The following ZNF804B variants were observed in gnomAD, a reference collection of about 807,000 sequenced individuals.
The protein encoded by ZNF804B is zinc finger protein 804B, also known as zinc finger 804B.
A neutral mutation model predicts 101.4 loss-of-function variants in ZNF804B; 80 were observed. That is an observed-to-expected ratio of 0.79 (90% confidence interval 0.66 to 0.95). ZNF804B has a LOEUF of 0.95. Among genes scored for constraint, ZNF804B ranks in the 40% least tolerant of loss-of-function variants. The pLI is 0.00. For synonymous variants in ZNF804B, 622 were observed against 558.8 expected (o/e 1.11, Z -1.59); for missense variants, 1,673 against 1,561.9 (o/e 1.07, Z -1.20).
rs1200061799 is a variant in ZNF804B, at chr7:89,299,999, A to G, written c.250-27345A>G. Reference sequence around the variant, plus strand: ...CAACAATTAATTCTGCTGCTTAAGTATTCCCCAGCTAGCTCCATGTTGCCT... The same window carrying G: ...CAACAATTAATTCTGCTGCTTAAGTGTTCCCCAGCTAGCTCCATGTTGCCT... On this transcript the variant is annotated intron_variant, in intron 2 of 3. Coordinates refer to ENST00000333190, the MANE Select transcript of ZNF804B (RefSeq NM_181646.5). Among the ~76,000 whole-genome samples the G allele has an allele frequency of 2.0e-5, 3 of 151,808 alleles. No homozygotes were observed. In the East Asian group the frequency reaches 5.9e-4, roughly 30 times the overall value.
intron 1 of ZNF804B, among the ~76,000 whole-genome samples, chr7:88,993,119 A>ATT (rs1793870664): frequency 6.6e-6 from 1 of 152,018 alleles, no homozygotes. Flanking sequence ...CTTTATATAT[A>ATT]TGCTTTATCC....
intron 1 of ZNF804B, among the ~76,000 whole-genome samples, chr7:88,910,873 C>G (rs1435540718): frequency 5.9e-5 from 9 of 151,888 alleles, no homozygotes; most frequent in Admixed American, 5.3e-4. Flanking sequence ...TTCCAGCAAG[C>G]CTTTCTGCAT....
At chr7:89,050,429 G>C (rs565351627) in intron 1 of ZNF804B, among the ~76,000 whole-genome samples, 2 of 152,150 alleles carry the variant, frequency 1.3e-5, no homozygotes, top group Admixed American at 1.3e-4. Flanking sequence ...ATTCAAACGG[G>C]GAATTGGCAA....
At chr7:89,012,726 GA>G (rs1788483840) in intron 1 of ZNF804B, among the ~76,000 whole-genome samples, 1 of 152,028 alleles carries the variant, frequency 6.6e-6, no homozygotes, top group Non-Finnish European at 1.5e-5. Flanking sequence ...GTCTTATTCT[GA>G]GCCCTCTAAA....
intron 1 of ZNF804B, among the ~76,000 whole-genome samples, chr7:88,963,247 A>G (rs1174870876): frequency 1.3e-5 from 2 of 151,332 alleles, no homozygotes; most frequent in Non-Finnish European, 3.0e-5. Flanking sequence ...TGAGAGACTC[A>G]TACTTCCTGA....
intron 1 of ZNF804B, among the ~76,000 whole-genome samples, chr7:88,782,493 T>G (rs1287976448): frequency 1.3e-5 from 2 of 152,114 alleles, no homozygotes; most frequent in Non-Finnish European, 2.9e-5. Flanking sequence ...TTATATACAC[T>G]AATATCTCCA....
At chr7:89,227,608 A>G (rs1789115105) in intron 2 of ZNF804B, among the ~76,000 whole-genome samples, 1 of 152,226 alleles carries the variant, frequency 6.6e-6, no homozygotes, top group East Asian at 1.9e-4. Context: ...GGTAAATAGC[A>G]TTTTCATTAG....
At chr7:88,871,169 C>T (rs1791818085) in intron 1 of ZNF804B, among the ~76,000 whole-genome samples, 2 of 151,866 alleles carry the variant, frequency 1.3e-5, no homozygotes, top group Non-Finnish European at 2.9e-5. Flanking sequence ...GTGAAGATAC[C>T]TGAAAAATAA....
intron 2 of ZNF804B, 40 bp from the exon 3 acceptor site, chr7:89,327,300 ATTAT>A (rs775625970): frequency 1.4e-5 from 21 of 1,529,386 alleles, no homozygotes; most frequent in Non-Finnish European, 1.7e-5. Flanking sequence ...AAAAGAATAT[ATTAT>A]TTATTTATAG....
At chr7:88,833,817 C>G (rs553297605) in intron 1 of ZNF804B, among the ~76,000 whole-genome samples, 1 of 151,844 alleles carries the variant, frequency 6.6e-6, no homozygotes, top group Non-Finnish European at 1.5e-5. Context: ...GCTTTAGTGA[C>G]AAGATCAAGG....
intron 2 of ZNF804B, among the ~76,000 whole-genome samples, chr7:89,289,348 A>T (rs1344432952): frequency 6.6e-6 from 1 of 152,064 alleles, no homozygotes; most frequent in African/African-American, 2.4e-5. Context: ...TCTACGCAAA[A>T]AAAAACCAAC....
At chr7:88,818,370 T>C (rs187037630) in intron 1 of ZNF804B, among the ~76,000 whole-genome samples, 123 of 152,254 alleles carry the variant, frequency 8.1e-4, no homozygotes, top group Non-Finnish European at 1.2e-3. Context: ...TAGCCAAAAA[T>C]TTTGGAAGCA....
chr7:89,283,586 C>T (rs1790132264), intron 2 of ZNF804B, among the ~76,000 whole-genome samples: 3 of 152,100 alleles, frequency 2.0e-5, no homozygotes, highest in Admixed American at 6.6e-5. Context: ...TTTGTTGTTA[C>T]TATTTATATT....
At chr7:88,865,447 G>A (rs1020402660) in intron 1 of ZNF804B, among the ~76,000 whole-genome samples, 3 of 152,060 alleles carry the variant, frequency 2.0e-5, no homozygotes, top group African/African-American at 7.2e-5. Context: ...TGGGAGAAAT[G>A]CTTGAGCCCA....
At chr7:89,210,674 C>G (rs1788789420) in intron 1 of ZNF804B, among the ~76,000 whole-genome samples, 1 of 152,192 alleles carries the variant, frequency 6.6e-6, no homozygotes, top group African/African-American at 2.4e-5. Context: ...AGGACATGAT[C>G]TCATTCATTT....
rs142026514 is a variant in ZNF804B, at chr7:89,297,615, C to T, written c.250-29729C>T. ...TATCACTTTATTTGGGGGTAGGGTA[C>T]CTTTCCTTTTGATGTAGTTTCAGAT... On this transcript the variant is annotated intron_variant, in intron 2 of 3. Transcript: ENST00000333190. 1.7e-3 allele frequency among the ~76,000 whole-genome samples: 258 copies of T among 151,998 alleles called. 5 individuals carry two copies. Among genetic ancestry groups the T allele is most frequent in the Admixed American group, 0.016 (241 of 15,220 alleles).
At chr7:89,103,811 TCTTA>T (rs1337913610) in intron 1 of ZNF804B, among the ~76,000 whole-genome samples, 4 of 152,046 alleles carry the variant, frequency 2.6e-5, no homozygotes, top group African/African-American at 9.7e-5. Context: ...TTGTTCTAAT[TCTTA>T]GAGGAAATGC....
chr7:89,181,696 G>A (rs1788301786), intron 1 of ZNF804B, among the ~76,000 whole-genome samples: 1 of 152,138 alleles, frequency 6.6e-6, no homozygotes, highest in South Asian at 2.1e-4. Flanking sequence ...TATTTTTTGT[G>A]AGGATAGTTG....
At chr7:88,877,026 A>AATATATATATATAT (rs1231449305) in intron 1 of ZNF804B, among the ~76,000 whole-genome samples, 3 of 41,100 alleles carry the variant, frequency 7.3e-5, no homozygotes, top group East Asian at 1.1e-3. Flanking sequence ...ATATATATAT[A>AATATATATATATAT]ATATATATAT....
Sources: allele counts gnomAD v4.1 joint callset (sites outside exome capture counted in the v4.1 genomes callset), GRCh38; gene constraint gnomAD v4.1.1; transcripts MANE v1.5; gene names NCBI Gene and HGNC (gene_info 2026-07-23, HGNC 2026-07-21).